PKP2: variants seen among roughly 807,000 people sequenced by gnomAD.
PKP2 encodes plakophilin-2.
PKP2 carries 73 observed loss-of-function variants against 83.4 expected under a neutral mutation model. That is an observed-to-expected ratio of 0.88 (90% CI 0.72 to 1.06). The LOEUF (loss-of-function observed/expected upper bound fraction) is 1.06. Among genes scored for constraint, PKP2 ranks in the 50% least tolerant of loss-of-function variants. The pLI, the probability that PKP2 is intolerant of heterozygous loss-of-function variation, is 0.00. For synonymous variants in PKP2, 409 were observed against 430.4 expected (o/e 0.95, Z 0.62); for missense variants, 966 against 1,065.4 (o/e 0.91, Z 1.30).
intron 1 of PKP2, among the ~76,000 whole-genome samples, 185 bp from the exon 2 acceptor site, chr12:32,879,217 A>G (rs1012255431): frequency 5.3e-5 from 8 of 152,228 alleles, no homozygotes; most frequent in Non-Finnish European, 1.2e-4. Context: ...CAAGTGATCA[A>G]AGGTTATCAA....
intron 6 of PKP2, among the ~76,000 whole-genome samples, chr12:32,829,650 C>A (rs1462441020): frequency 1.3e-5 from 2 of 150,078 alleles, no homozygotes; most frequent in African/African-American, 4.9e-5. Flanking sequence ...GGCTGTGGGA[C>A]CAGTCTTTTA....
chr12:32,796,080 C>A, intron 11 of PKP2, 29 bp downstream of exon 11: 1 of 1,581,454 alleles, frequency 6.3e-7, no homozygotes, highest in Non-Finnish European at 8.7e-7. Flanking sequence ...GAAAGGGAGG[C>A]AGCTGACGGG....
At chr12:32,867,282 C>T (rs987696908) in intron 4 of PKP2, among the ~76,000 whole-genome samples, 1 of 152,186 alleles carries the variant, frequency 6.6e-6, no homozygotes, top group Non-Finnish European at 1.5e-5. Flanking sequence ...GAGCTGTGAT[C>T]ACACCACTGC....
At chr12:32,802,255 G>C in intron 10 of PKP2, 148 bp downstream of exon 10, 1 of 786,744 alleles carries the variant, frequency 1.3e-6, no homozygotes, top group South Asian at 1.4e-5. Flanking sequence ...TGTGATATCT[G>C]GTGGCACAAA....
chr12:32,863,517 A>C (rs1478350705), intron 4 of PKP2: 1 of 170,122 alleles, frequency 5.9e-6, no homozygotes, highest in Non-Finnish European at 1.2e-5. Flanking sequence ...GTAAAGGATC[A>C]CACTATCTAC....
chr12:32,867,060 G>C (rs550105052), intron 4 of PKP2, among the ~76,000 whole-genome samples: 2 of 152,324 alleles, frequency 1.3e-5, no homozygotes, highest in East Asian at 3.9e-4. Context: ...GAGCATGGTG[G>C]CTCACGCCTG....
At chr12:32,857,943 T>C (rs1407638659) in intron 4 of PKP2, among the ~76,000 whole-genome samples, 2 of 148,934 alleles carry the variant, frequency 1.3e-5, no homozygotes, top group African/African-American at 5.0e-5. Flanking sequence ...AAACTGGGAA[T>C]AGGCCCTGGT....
intron 4 of PKP2, among the ~76,000 whole-genome samples, chr12:32,854,047 A>G (rs1956724230): frequency 6.6e-6 from 1 of 152,104 alleles, no homozygotes; most frequent in Non-Finnish European, 1.5e-5. Context: ...TATCAGATGC[A>G]AAAAAAATCC....
intron 11 of PKP2, 61 bp downstream of exon 11, chr12:32,796,048 T>C (rs1045086472): frequency 2.8e-6 from 4 of 1,422,266 alleles, no homozygotes; most frequent in Non-Finnish European, 4.0e-6. Context: ...AACCGGATTA[T>C]TTACACACAG....
chr12:32,800,187 GC>G (rs1956167240), intron 10 of PKP2, among the ~76,000 whole-genome samples: 1 of 152,168 alleles, frequency 6.6e-6, no homozygotes, highest in Non-Finnish European at 1.5e-5. Flanking sequence ...TTTATTGTGT[GC>G]CTTCATCTGT....
At chr12:32,895,877 TC>T (rs1421900762) in intron 1 of PKP2, among the ~76,000 whole-genome samples, 2 of 152,146 alleles carry the variant, frequency 1.3e-5, no homozygotes, top group African/African-American at 4.8e-5. Context: ...AGGGCCAAAG[TC>T]CCCTACCTCC....
At position 32,841,019 on chromosome 12, in the gene PKP2, T is replaced by C. The variant is rs397517004; in HGVS notation, c.1556+9A>G. Reference sequence around the variant, plus strand: ...ATCTTCTATCAGGGCAGGGTACAGGTAGCATTACCTTAGGCATCCAGTGAC... The same window carrying C: ...ATCTTCTATCAGGGCAGGGTACAGGCAGCATTACCTTAGGCATCCAGTGAC... On this transcript the variant is annotated intron_variant, in intron 6 of 12. Coordinates refer to ENST00000340811, the MANE Select transcript of PKP2 (RefSeq NM_001005242.3). 2.1e-4 allele frequency: 334 copies of C among 1,609,322 alleles called. 2 individuals carry two copies. In the South Asian group the frequency reaches 3.4e-3, roughly 17 times the overall value.
intron 1 of PKP2, among the ~76,000 whole-genome samples, chr12:32,891,938 G>A (rs1434343845): frequency 6.6e-6 from 1 of 152,052 alleles, no homozygotes; most frequent in Admixed American, 6.6e-5. Flanking sequence ...TAATCAGAAG[G>A]ATTTCTTTAA....
intron 10 of PKP2, among the ~76,000 whole-genome samples, chr12:32,798,081 C>CGTG (rs1394732507): frequency 1.6e-5 from 1 of 62,784 alleles, no homozygotes; most frequent in Admixed American, 1.6e-4. Flanking sequence ...TAATACTACT[C>CGTG]TTGTTTTTTT....
chr12:32,843,428 G>A (rs956064497), intron 5 of PKP2: 3 of 686,832 alleles, frequency 4.4e-6, no homozygotes, highest in Non-Finnish European at 7.3e-6. Flanking sequence ...TGAAATAAGA[G>A]CCTGTATAGT....
chr12:32,824,083 C>T lies in PKP2; in HGVS notation c.1636G>A (p.Val546Ile), dbSNP rs1475361697. ...DGLIDSLVHY[V>I]RGTIADYQPD... ...TGGTAATCTGCAATGGTTCCTCTGA[C>T]ATAATGGACCAGTGAGTCAATGAGT... The change falls in exon 7 of 13, where the codon GTC becomes ATC. Residue 546 changes from valine to isoleucine, a missense_variant. Physicochemically the swap from Val to Ile is conservative, Grantham distance 29. Coordinates refer to ENST00000340811, the MANE Select transcript of PKP2 (RefSeq NM_001005242.3). 11 of 1,610,530 alleles carry T rather than the reference C, an allele frequency of 6.8e-6. No individual in the cohort carries two copies. The highest frequency in any genetic ancestry group is 9.3e-6 in the Non-Finnish European group (11 of 1,176,944).
intron 6 of PKP2, among the ~76,000 whole-genome samples, chr12:32,838,316 G>A (rs1268758894): frequency 6.6e-6 from 1 of 151,972 alleles, no homozygotes; most frequent in Non-Finnish European, 1.5e-5. Flanking sequence ...TAAACACTGG[G>A]GATTTCAAAA....
chr12:32,840,611 A>C (rs1956581231), intron 6 of PKP2, among the ~76,000 whole-genome samples: 2 of 152,106 alleles, frequency 1.3e-5, no homozygotes, highest in Non-Finnish European at 1.5e-5. Flanking sequence ...GGGTTTTCTT[A>C]TTCATCTTTG....
At chr12:32,803,386 A>G (rs569966546) in intron 9 of PKP2, among the ~76,000 whole-genome samples, 1 of 152,270 alleles carries the variant, frequency 6.6e-6, no homozygotes, top group African/African-American at 2.4e-5. Context: ...CAAACAAACA[A>G]ACAAACAAAT....
Sources: allele counts gnomAD v4.1 joint callset (sites outside exome capture counted in the v4.1 genomes callset), GRCh38; gene constraint gnomAD v4.1.1; transcripts MANE v1.5; gene names NCBI Gene and HGNC (gene_info 2026-07-23, HGNC 2026-07-21).